The following DNAAF9 variants were observed in gnomAD, a reference collection of about 807,000 sequenced individuals.
DNAAF9 encodes shulin.
In DNAAF9, 90 loss-of-function variants were observed where a neutral mutation model predicts 167.0. The observed-to-expected ratio is 0.54, with a 90% CI of 0.45 to 0.64. The LOEUF is 0.64. Ranked by LOEUF, DNAAF9 falls within the 30% of genes least tolerant of loss-of-function variation. The probability of loss-of-function intolerance (pLI) is 0.00; values close to 1 mark genes in which losing one functional copy is unlikely to be tolerated. For synonymous variants in DNAAF9, 491 were observed against 508.8 expected, an observed-to-expected ratio of 0.96 and a Z score of 0.47; for missense variants, 1,315 against 1,442.2, an observed-to-expected ratio of 0.91 and a Z score of 1.43.
chr20:3,283,279 T>G (rs1277375993), intron 27 of DNAAF9, among the ~76,000 whole-genome samples: 2 of 152,228 alleles, frequency 1.3e-5, no homozygotes, highest in African/African-American at 4.8e-5. Context: ...TATGGACAGG[T>G]ACAGCCTGCT....
chr20:3,318,376 G>C lies in DNAAF9; in HGVS notation c.1381C>G (p.Pro461Ala). The change falls in exon 17 of 37, where the codon CCT becomes GCT. Residue 461 changes from proline (P) to alanine (A), a missense_variant. Pro to Ala is a conservative substitution (Grantham distance 27). Transcript: ENST00000252032. ...CAACCATTGCCTCCCAGTAAGTCAGGAATGTCATAGACGGCCATACAAGCC... is the reference window on the plus strand; with the variant it reads ...CAACCATTGCCTCCCAGTAAGTCAGCAATGTCATAGACGGCCATACAAGCC... The part of the protein sequence containing the change: ...KTACMAVYDI[P>A]DLLGGNGCLG... 6.3e-7 allele frequency: 1 copy of C among 1,599,216 alleles called. No homozygotes were observed. Among genetic ancestry groups the C allele is most frequent in the Non-Finnish European group, 8.6e-7 (1 of 1,166,672 alleles).
At chr20:3,384,324 G>C (rs2083703677) in intron 1 of DNAAF9, 1 of 152,222 alleles carries the variant, frequency 6.6e-6, no homozygotes, top group Non-Finnish European at 1.5e-5. Flanking sequence ...AGGCACAGTG[G>C]TCTCTCCTGA....
At chr20:3,269,089 T>C (rs1419991608) in intron 30 of DNAAF9, among the ~76,000 whole-genome samples, 1 of 151,694 alleles carries the variant, frequency 6.6e-6, no homozygotes, top group Non-Finnish European at 1.5e-5. Context: ...TTTTTTTAAA[T>C]ATAGAGGCGG....
At position 3,316,729 on chromosome 20, in the gene DNAAF9, G is replaced by C; in HGVS notation, c.1533C>G (p.Ser511=). Residue 511 remains serine, a synonymous_variant, in exon 18 of 37, where the codon TCC becomes TCG. Transcript: ENST00000252032. ...VLTAAVPRFC[S]WLVEDNEVKL... Reference sequence around the variant, plus strand: ...CCTGATGAATGACACTAACCAGCCAGGAGCAGAATCTGGGTACAGCAGCAG... The same window carrying C: ...CCTGATGAATGACACTAACCAGCCACGAGCAGAATCTGGGTACAGCAGCAG... 1 of 1,612,700 alleles carries C rather than the reference G, an allele frequency of 6.2e-7. No homozygotes were observed. Among genetic ancestry groups the C allele is most frequent in the Admixed American group, 1.7e-5 (1 of 59,986 alleles).
rs767168878 is a variant in DNAAF9 at position 3,359,500 on chromosome 20, C to T, written c.690+16G>A. On this transcript the variant is annotated intron_variant, in intron 7 of 36. Coordinates refer to ENST00000252032, the MANE Select transcript of DNAAF9 (RefSeq NM_001009984.3). ...ACGTAATACTAATATTTAAAAGTTA[C>T]TGTTTGGCTCCTTACATCTGAAAGC... is the stretch of plus-strand genomic sequence containing the variant. 1 of 1,553,816 alleles carries T rather than the reference C, an allele frequency of 6.4e-7. No homozygotes were observed. Among genetic ancestry groups the T allele is most frequent in the Non-Finnish European group, 8.9e-7 (1 of 1,129,570 alleles).
At chr20:3,325,759 T>C (rs1016006574) in intron 13 of DNAAF9, among the ~76,000 whole-genome samples, 13 of 152,270 alleles carry the variant, frequency 8.5e-5, no homozygotes, top group Admixed American at 7.8e-4. Flanking sequence ...CATGTGCTTG[T>C]CTAGGAAAAG....
chr20:3,297,897 C>T, intron 22 of DNAAF9, 132 bp downstream of exon 22: 2 of 726,392 alleles, frequency 2.8e-6, no homozygotes, highest in South Asian at 3.4e-5. Context: ...AAGCAGTCAC[C>T]CCACACCATC....
At chr20:3,354,310 G>T (rs1159086339) in intron 7 of DNAAF9, among the ~76,000 whole-genome samples, 1 of 152,242 alleles carries the variant, frequency 6.6e-6, no homozygotes, top group East Asian at 1.9e-4. Context: ...TGGTCAGGTG[G>T]ATGGAAAGTT....
chr20:3,283,758 T>C (rs2068801718), intron 27 of DNAAF9, among the ~76,000 whole-genome samples: 1 of 151,966 alleles, frequency 6.6e-6, no homozygotes, highest in Admixed American at 6.6e-5. Flanking sequence ...ATTGCAAACA[T>C]AAAACAGCCT....
intron 10 of DNAAF9, among the ~76,000 whole-genome samples, chr20:3,339,755 T>C (rs2070041181): frequency 6.6e-6 from 1 of 152,212 alleles, no homozygotes; most frequent in African/African-American, 2.4e-5. Context: ...AAGCCTACAG[T>C]GGCATGTGCC....
At chr20:3,314,374 T>C (rs958857194) in intron 20 of DNAAF9, among the ~76,000 whole-genome samples, 10 of 152,032 alleles carry the variant, frequency 6.6e-5, no homozygotes, top group African/African-American at 2.4e-4. Flanking sequence ...AGACTCAAAG[T>C]GTGTGAGAGA....
chr20:3,339,727 T>A (rs940087793), intron 10 of DNAAF9, among the ~76,000 whole-genome samples: 21 of 152,108 alleles, frequency 1.4e-4, no homozygotes, highest in African/African-American at 4.6e-4. Flanking sequence ...TATTTCCCCC[T>A]CTCCTAGGGA....
At chr20:3,260,313 T>C (rs2068360474) in intron 31 of DNAAF9, among the ~76,000 whole-genome samples, 1 of 152,052 alleles carries the variant, frequency 6.6e-6, no homozygotes, top group African/African-American at 2.4e-5. Context: ...CAGTCCGCAG[T>C]CCGGCCTGGG....
chr20:3,326,994 T>G (rs556817394), intron 12 of DNAAF9, among the ~76,000 whole-genome samples: 9 of 152,250 alleles, frequency 5.9e-5, no homozygotes, highest in African/African-American at 2.2e-4. Flanking sequence ...AATCATACTG[T>G]AGTTTCATAT....
chr20:3,393,438 G>A (rs6037590), intron 1 of DNAAF9, among the ~76,000 whole-genome samples: 28,764 of 152,058 alleles, frequency 0.19, 2,933 homozygotes, highest in African/African-American at 0.23. Context: ...CTTGAGCCCA[G>A]GAGGTTGAGG....
At chr20:3,375,721 G>T (rs1167819871) in intron 4 of DNAAF9, among the ~76,000 whole-genome samples, 4 of 152,004 alleles carry the variant, frequency 2.6e-5, no homozygotes, top group African/African-American at 9.7e-5. Flanking sequence ...TTAGCCAGGT[G>T]CCTGTTGTCC....
At chr20:3,286,473 T>C (rs1201087726) in intron 27 of DNAAF9, among the ~76,000 whole-genome samples, 2 of 152,180 alleles carry the variant, frequency 1.3e-5, no homozygotes, top group Non-Finnish European at 2.9e-5. Flanking sequence ...GACTCTCAAC[T>C]GGTGGGGGCA....
intron 31 of DNAAF9, 112 bp from the exon 32 acceptor site, chr20:3,260,140 C>A (rs2068356178): frequency 3.5e-6 from 2 of 574,914 alleles, no homozygotes; most frequent in Admixed American, 2.9e-5. Context: ...GAGATCGAGA[C>A]CATCCTGGCT....
In DNAAF9 at chr20:3,292,124, G is replaced by A. The variant is rs546795169; in HGVS notation, c.2239-1907C>T. On this transcript the variant is annotated intron_variant, in intron 25 of 36. Coordinates refer to ENST00000252032, the MANE Select transcript of DNAAF9 (RefSeq NM_001009984.3). Reference sequence around the variant, plus strand: ...CGCAATTCTCCTGTCTCAGCCTCCCGAGTAGCTGGGACTACAGGCACCTGC... The same window carrying A: ...CGCAATTCTCCTGTCTCAGCCTCCCAAGTAGCTGGGACTACAGGCACCTGC... Among the ~76,000 whole-genome samples, 12 of 151,530 alleles carry A rather than the reference G, an allele frequency of 7.9e-5. No individual in the cohort carries two copies. The East Asian group carries it at 1.4e-3, about 17-fold the overall frequency.
Sources: allele counts gnomAD v4.1 joint callset (sites outside exome capture counted in the v4.1 genomes callset), GRCh38; gene constraint gnomAD v4.1.1; transcripts MANE v1.5; gene names NCBI Gene and HGNC (gene_info 2026-07-23, HGNC 2026-07-21).